Variants in GRM5 observed in about 807,000 individuals in gnomAD.
The protein encoded by GRM5 is glutamate metabotropic receptor 5.
A neutral mutation model predicts 83.1 loss-of-function variants in GRM5; 19 were observed. That is an observed-to-expected ratio of 0.23 (90% CI 0.16 to 0.34). The LOEUF is 0.34. GRM5 is among the 10% of genes least tolerant of loss of function. The probability of loss-of-function intolerance (pLI) is 1.00; values close to 1 mark genes in which losing one functional copy is unlikely to be tolerated. For missense variants in GRM5, 1,160 were observed against 1,588.3 expected (o/e 0.73, Z 4.58); for synonymous variants, 675 against 633.6 (o/e 1.07, Z -0.98).
At chr11:88,797,405 G>T (rs1306228326) in intron 3 of GRM5, among the ~76,000 whole-genome samples, 1 of 152,164 alleles carries the variant, frequency 6.6e-6, no homozygotes, top group Non-Finnish European at 1.5e-5. Flanking sequence ...CTCCCAAAGT[G>T]CTGGGATTAT....
At chr11:88,965,741 T>C (rs1021705219) in intron 2 of GRM5, among the ~76,000 whole-genome samples, 11 of 152,114 alleles carry the variant, frequency 7.2e-5, no homozygotes, top group East Asian at 1.9e-4. Flanking sequence ...CAGCAACATA[T>C]GTAAATACAT....
chr11:88,900,117 G>C (rs1192375482), intron 2 of GRM5, among the ~76,000 whole-genome samples: 2 of 152,114 alleles, frequency 1.3e-5, no homozygotes, highest in Non-Finnish European at 2.9e-5. Flanking sequence ...AAATGAAGCA[G>C]AGACAGAAAA....
chr11:88,919,628 A>T (rs1451993627), intron 2 of GRM5, among the ~76,000 whole-genome samples: 4 of 151,950 alleles, frequency 2.6e-5, no homozygotes, highest in African/African-American at 9.7e-5. Context: ...CATCATGCTC[A>T]AGGATAGACT....
intron 2 of GRM5, among the ~76,000 whole-genome samples, chr11:88,935,345 G>A (rs1590977196): frequency 8.1e-6 from 1 of 122,736 alleles, no homozygotes; most frequent in African/African-American, 3.3e-5. Context: ...AAAATAGTGT[G>A]TGTATGTGTG....
intron 7 of GRM5, among the ~76,000 whole-genome samples, chr11:88,572,991 GTATTA>G (rs1321388818): frequency 3.9e-5 from 6 of 152,100 alleles, no homozygotes; most frequent in Admixed American, 3.9e-4. Flanking sequence ...AAAATGCACA[GTATTA>G]TATTATTTTC....
chr11:88,529,904 A>G (rs565449752), intron 8 of GRM5, among the ~76,000 whole-genome samples: 1 of 151,978 alleles, frequency 6.6e-6, no homozygotes, highest in Non-Finnish European at 1.5e-5. Context: ...GAGAAGGAGT[A>G]TATTTGGGCA....
chr11:89,009,918 A>T (rs1264104918), intron 2 of GRM5, among the ~76,000 whole-genome samples: 1 of 136,184 alleles, frequency 7.3e-6, no homozygotes, highest in Non-Finnish European at 1.5e-5. Context: ...AAAAAAAAAA[A>T]AAAAAAAAAA....
chr11:88,540,147 A>G (rs1942232658), intron 8 of GRM5, among the ~76,000 whole-genome samples: 1 of 152,196 alleles, frequency 6.6e-6, no homozygotes, highest in Non-Finnish European at 1.5e-5. Flanking sequence ...TATCATACAC[A>G]GAAGTTCATT....
At chr11:88,786,712 C>T (rs1427870404) in intron 3 of GRM5, among the ~76,000 whole-genome samples, 1 of 152,012 alleles carries the variant, frequency 6.6e-6, no homozygotes, top group East Asian at 1.9e-4. Flanking sequence ...AACATCATTC[C>T]CACAGACACT....
intron 9 of GRM5, among the ~76,000 whole-genome samples, chr11:88,515,201 C>T (rs967952317): frequency 2.6e-5 from 4 of 152,030 alleles, no homozygotes; most frequent in Admixed American, 1.3e-4. Flanking sequence ...GAATATGACA[C>T]GGGAGCATAT....
chr11:88,772,586 C>T (rs1471346603), intron 3 of GRM5, among the ~76,000 whole-genome samples: 2 of 152,032 alleles, frequency 1.3e-5, no homozygotes, highest in Non-Finnish European at 2.9e-5. Context: ...TCTCCTAATG[C>T]TATTTCTCCC....
At chr11:88,611,039 A>C (rs1938299260) in intron 4 of GRM5, among the ~76,000 whole-genome samples, 1 of 152,160 alleles carries the variant, frequency 6.6e-6, no homozygotes, top group South Asian at 2.1e-4. Context: ...CGTATGTTAA[A>C]CCAACCATGA....
At chr11:88,612,167 T>A (rs1036157226) in intron 4 of GRM5, among the ~76,000 whole-genome samples, 1 of 140,212 alleles carries the variant, frequency 7.1e-6, no homozygotes, top group Non-Finnish European at 1.5e-5. Context: ...CCTTCCTGTG[T>A]CCATGTGATC....
intron 8 of GRM5, among the ~76,000 whole-genome samples, chr11:88,566,680 A>G (rs1462102555): frequency 6.6e-5 from 10 of 152,104 alleles, no homozygotes; most frequent in African/African-American, 2.2e-4. Flanking sequence ...TGTTAGTAAT[A>G]TATTTTTACT....
At chr11:88,983,641 CTA>C (rs975136186) in intron 2 of GRM5, among the ~76,000 whole-genome samples, 2 of 152,090 alleles carry the variant, frequency 1.3e-5, no homozygotes, top group Admixed American at 6.6e-5. Flanking sequence ...CAATAAATCA[CTA>C]TGTTACTAAT....
intron 3 of GRM5, among the ~76,000 whole-genome samples, chr11:88,806,396 C>T (rs1943499447): frequency 6.6e-6 from 1 of 152,140 alleles, no homozygotes; most frequent in Non-Finnish European, 1.5e-5. Flanking sequence ...AAGAAATACA[C>T]TAGATGTTTC....
At position 89,047,185 on chromosome 11, in the gene GRM5, T is replaced by A; in HGVS notation, c.661+27A>T. 1 of 1,520,346 alleles carries A rather than the reference T, an allele frequency of 6.6e-7. No individual in the cohort carries two copies. The allele number at this position is 1,520,346 out of a possible 1,614,324, so 94.2% of individuals were successfully genotyped here. A position where few individuals can be genotyped will look rare whatever the true frequency, so the allele number is the denominator to read the frequency against. On this transcript the variant is annotated intron_variant, in intron 2 of 9. Transcript: ENST00000305447. This position sits in a 1 kb window ranked among gnomAD's most constrained non-coding sequence, Gnocchi z 5.1. Reference sequence around the variant, plus strand: ...TAACTGTTGAGTGCATAATAATATATACTCGATGTATGCAAAGGAAACTTA... The same window carrying A: ...TAACTGTTGAGTGCATAATAATATAAACTCGATGTATGCAAAGGAAACTTA...
At chr11:88,680,291 G>A (rs1209646639) in intron 3 of GRM5, among the ~76,000 whole-genome samples, 3 of 151,872 alleles carry the variant, frequency 2.0e-5, no homozygotes, top group Non-Finnish European at 2.9e-5. Context: ...GTGTCCAAGT[G>A]TTATCATTGT....
At chr11:88,649,375 A>T (rs1273764361) in intron 4 of GRM5, among the ~76,000 whole-genome samples, 1 of 141,610 alleles carries the variant, frequency 7.1e-6, no homozygotes, top group East Asian at 2.0e-4. Flanking sequence ...AATATTACAT[A>T]TATTATGTAT....
Sources: allele counts gnomAD v4.1 joint callset (sites outside exome capture counted in the v4.1 genomes callset), GRCh38; gene constraint gnomAD v4.1.1; non-coding constraint Gnocchi (gnomAD v3.1); transcripts MANE v1.5; gene names NCBI Gene and HGNC (gene_info 2026-07-23, HGNC 2026-07-21).